ZEB2: variants seen among roughly 807,000 people sequenced by gnomAD.
The protein encoded by ZEB2 is zinc finger E-box binding homeobox 2, also known as zinc finger E-box-binding homeobox 2.
A neutral mutation model predicts 99.9 loss-of-function variants in ZEB2; 6 were observed. The ratio of observed to expected loss-of-function variants is 0.06; its 90% CI spans 0.03 to 0.12. The LOEUF is 0.12. Ranked by LOEUF, ZEB2 falls within the 10% of genes least tolerant of loss-of-function variation. The probability of loss-of-function intolerance (pLI) is 1.00; values close to 1 mark genes in which losing one functional copy is unlikely to be tolerated. For synonymous variants in ZEB2, 517 were observed against 542.5 expected (o/e 0.95, Z 0.65); for missense variants, 969 against 1,502.8 (o/e 0.64, Z 5.87).
At position 144,399,682 on chromosome 2, in the gene ZEB2, C is replaced by T; in HGVS notation, c.1505G>A (p.Gly502Glu). ...AGGCGGAATATTAGGAGAAGTAACTCCTTGTTCCTCAGGTTGAGAGCATGG... is the reference window on the plus strand; with the variant it reads ...AGGCGGAATATTAGGAGAAGTAACTTCTTGTTCCTCAGGTTGAGAGCATGG... ...KDPCSQPEEQ[G>E]VTSPNIPPVG... Residue 502 changes from glycine (G) to glutamate (E), a missense_variant, in exon 8 of 10, where the codon GGA becomes GAA. Physicochemically the swap from Gly to Glu is moderately conservative, Grantham distance 98. Coordinates refer to ENST00000627532, the MANE Select transcript of ZEB2 (RefSeq NM_014795.4). This position sits in a 1 kb window ranked among gnomAD's most constrained non-coding sequence, Gnocchi z 5.6. 1 of 1,614,190 alleles carries T rather than the reference C, an allele frequency of 6.2e-7. No homozygotes were observed. The highest frequency in any genetic ancestry group is 1.1e-5 in the South Asian group (1 of 91,080).
chr2:144,501,631 G>T (rs1704871044), intron 2 of ZEB2, among the ~76,000 whole-genome samples: 1 of 152,194 alleles, frequency 6.6e-6, no homozygotes, highest in Non-Finnish European at 1.5e-5. Context: ...GGGGGTTGGG[G>T]AAGGAGGACT....
intron 4 of ZEB2, among the ~76,000 whole-genome samples, chr2:144,411,642 T>C (rs1703466443): frequency 1.3e-5 from 2 of 152,226 alleles, no homozygotes; most frequent in Admixed American, 6.5e-5. Flanking sequence ...AGCCAGGTCG[T>C]CAAGAGCAAC....
chr2:144,497,396 G>T (rs890433725), intron 2 of ZEB2, among the ~76,000 whole-genome samples: 3 of 152,132 alleles, frequency 2.0e-5, no homozygotes, highest in African/African-American at 4.8e-5. Context: ...CACATAGTAG[G>T]TGTGTAATTA....
rs1355881391 is a variant in ZEB2 at position 144,485,655 on chromosome 2, T to G, written c.73+31623A>C. Reference sequence around the variant, plus strand: ...TTATTTTTGCATCAGAGTCTCACGCTGTCACCTGAGCTGGGGTGCAACGGC... The same window carrying G: ...TTATTTTTGCATCAGAGTCTCACGCGGTCACCTGAGCTGGGGTGCAACGGC... On this transcript the variant is annotated intron_variant, in intron 2 of 9. Transcript: ENST00000627532. Among the ~76,000 whole-genome samples the G allele has an allele frequency of 4.6e-5, 7 of 152,178 alleles. No homozygotes were observed. The East Asian group carries it at 1.3e-3, about 29-fold the overall frequency.
At chr2:144,432,782 C>G (rs1334932197) in intron 2 of ZEB2, among the ~76,000 whole-genome samples, 1 of 152,058 alleles carries the variant, frequency 6.6e-6, no homozygotes, top group Admixed American at 6.6e-5. Context: ...GTTTGCCCAC[C>G]ATCATCACCA....
At chr2:144,491,371 A>C (rs1335671153) in intron 2 of ZEB2, among the ~76,000 whole-genome samples, 2 of 152,078 alleles carry the variant, frequency 1.3e-5, no homozygotes, top group African/African-American at 2.4e-5. Context: ...AAAAAAAAAA[A>C]AAACGACCTA....
intron 9 of ZEB2, among the ~76,000 whole-genome samples, chr2:144,395,572 C>T (rs1259914561): frequency 1.3e-5 from 2 of 151,952 alleles, no homozygotes; most frequent in African/African-American, 4.8e-5. Context: ...TGGAGATGGG[C>T]TAGGGGTAGG....
intron 2 of ZEB2, chr2:144,463,832 CAAA>C (rs1238419403): frequency 5.1e-5 from 6 of 118,140 alleles, no homozygotes; most frequent in African/African-American, 2.1e-4. Flanking sequence ...GACCCTGTCT[CAAA>C]AAACAAAAAA....
At chr2:144,451,878 A>G (rs769383755) in intron 2 of ZEB2, among the ~76,000 whole-genome samples, 1 of 152,182 alleles carries the variant, frequency 6.6e-6, no homozygotes, top group Non-Finnish European at 1.5e-5. Context: ...ATGTGCCTGG[A>G]CCATATTTTA....
rs182363818 is a variant in ZEB2 at position 144,513,659 on chromosome 2, G to A, written c.73+3619C>T. On this transcript the variant is annotated intron_variant, in intron 2 of 9. Transcript: ENST00000627532. ...TTCCCGGGCTCCGTGGGAGGCAGGAGGGAAGCAGGAGCATCCCAGGACCCG... is the reference window on the plus strand; with the variant it reads ...TTCCCGGGCTCCGTGGGAGGCAGGAAGGAAGCAGGAGCATCCCAGGACCCG... 4,161 of 1,534,746 alleles carry A rather than the reference G, an allele frequency of 2.7e-3. 8 individuals carry two copies. Among genetic ancestry groups the A allele is most frequent in the Non-Finnish European group, 3.0e-3 (3,436 of 1,146,808 alleles).
intron 2 of ZEB2, among the ~76,000 whole-genome samples, chr2:144,442,069 T>C (rs1334095866): frequency 6.6e-6 from 1 of 152,172 alleles, no homozygotes; most frequent in Non-Finnish European, 1.5e-5. Flanking sequence ...TAAAGGCCAA[T>C]TCTCAAAAGT....
chr2:144,405,320 AT>A (rs927082297), intron 4 of ZEB2: 8 of 352,578 alleles, frequency 2.3e-5, no homozygotes, highest in East Asian at 1.3e-4. Context: ...TTTTTCATAA[AT>A]TTTTTTTAAA....
At chr2:144,506,890 G>T (rs1000501703) in intron 2 of ZEB2, among the ~76,000 whole-genome samples, 2 of 152,100 alleles carry the variant, frequency 1.3e-5, no homozygotes, top group Non-Finnish European at 2.9e-5. Context: ...TATGGGCAAC[G>T]TAACTATTAA....
rs34257771 is a variant in ZEB2, at chr2:144,414,948, ATG to A, written c.403+9846_403+9847del. Among the ~76,000 whole-genome samples the A allele has an allele frequency of 2.0e-5, 3 of 147,996 alleles. No individual in the cohort carries two copies. In the East Asian group the frequency reaches 5.9e-4, roughly 29 times the overall value. The stretch of plus-strand genomic sequence containing the variant: ...AGTTAAAATGCCCACTTCAGAGTGT[ATG>A]TGTGTGTGTGTGTGTGTTTGTATAT... On this transcript the variant is annotated intron_variant, in intron 4 of 9. Coordinates refer to ENST00000627532, the MANE Select transcript of ZEB2 (RefSeq NM_014795.4).
chr2:144,406,288 C>T (rs1222910555), intron 4 of ZEB2, among the ~76,000 whole-genome samples: 1 of 152,158 alleles, frequency 6.6e-6, no homozygotes, highest in African/African-American at 2.4e-5. Context: ...GCATCATGTC[C>T]TGCTCTGGTG....
intron 2 of ZEB2, among the ~76,000 whole-genome samples, chr2:144,502,849 C>T (rs555633943): frequency 2.0e-5 from 3 of 151,880 alleles, no homozygotes; most frequent in East Asian, 3.9e-4. Context: ...ACATAAACTC[C>T]CTTGATTTTT....
chr2:144,455,362 C>A (rs1704107720), intron 2 of ZEB2, among the ~76,000 whole-genome samples: 1 of 152,258 alleles, frequency 6.6e-6, no homozygotes, highest in East Asian at 1.9e-4. Flanking sequence ...CCAACCTGCA[C>A]ACTGTTTTGA....
At chr2:144,512,687 CCTA>C (rs1227467776) in intron 2 of ZEB2, 1 of 1,287,064 alleles carries the variant, frequency 7.8e-7, no homozygotes, top group Non-Finnish European at 1.0e-6. Context: ...ACACCAGCAG[CCTA>C]CTGGCTCTGC....
chr2:144,443,626 T>C (rs889308606), intron 2 of ZEB2, among the ~76,000 whole-genome samples: 2 of 152,194 alleles, frequency 1.3e-5, no homozygotes, highest in Non-Finnish European at 2.9e-5. Flanking sequence ...ACTGTTAATG[T>C]TAGATGGGAA....
Sources: gnomAD v4.1 joint callset for allele counts (sites outside exome capture counted in the v4.1 genomes callset) on GRCh38, gnomAD v4.1.1 for gene constraint, Gnocchi (gnomAD v3.1) non-coding constraint, MANE v1.5 for transcripts, NCBI Gene and HGNC (gene_info 2026-07-23, HGNC 2026-07-21) for gene names.